The following SLC2A13 variants were observed in gnomAD, a reference collection of about 807,000 sequenced individuals.
The protein encoded by SLC2A13 is proton myo-inositol cotransporter.
Under a neutral mutation model 64.4 loss-of-function variants are expected in SLC2A13, and 32 were observed. The ratio of observed to expected loss-of-function variants is 0.50; its 90% CI spans 0.37 to 0.67. The LOEUF (loss-of-function observed/expected upper bound fraction) is 0.67. Among genes scored for constraint, SLC2A13 ranks in the 30% least tolerant of loss-of-function variants. The pLI, the probability that SLC2A13 is intolerant of heterozygous loss-of-function variation, is 0.00. For synonymous variants in SLC2A13, 338 were observed against 327.1 expected, an observed-to-expected ratio of 1.03 and a Z score of -0.36; for missense variants, 743 against 829.2, an observed-to-expected ratio of 0.90 and a Z score of 1.28.
At chr12:40,096,893 T>G (rs1263859383) in intron 1 of SLC2A13, among the ~76,000 whole-genome samples, 1 of 152,184 alleles carries the variant, frequency 6.6e-6, no homozygotes, top group East Asian at 1.9e-4. Context: ...ATACTAATAC[T>G]AATTTACGAA....
chr12:39,972,025 TATAA>T (rs1470703346), intron 3 of SLC2A13, among the ~76,000 whole-genome samples: 2 of 115,960 alleles, frequency 1.7e-5, no homozygotes, highest in Admixed American at 9.9e-5. Flanking sequence ...TTTTTTTTTA[TATAA>T]ATATATATAT....
intron 7 of SLC2A13, among the ~76,000 whole-genome samples, chr12:39,789,036 G>T (rs1941285139): frequency 6.6e-6 from 1 of 152,056 alleles, no homozygotes. Flanking sequence ...TACATACAAA[G>T]AAGTTATCTA....
intron 3 of SLC2A13, among the ~76,000 whole-genome samples, chr12:40,021,333 G>C (rs1947713903): frequency 6.6e-6 from 1 of 152,140 alleles, no homozygotes; most frequent in African/African-American, 2.4e-5. Context: ...AAAGTTGTCT[G>C]GGGTTTAGAA....
chr12:40,044,599 T>C (rs1296076047), intron 2 of SLC2A13, among the ~76,000 whole-genome samples: 1 of 152,214 alleles, frequency 6.6e-6, no homozygotes, highest in Non-Finnish European at 1.5e-5. Context: ...ACTATGATAA[T>C]GAAGTGCCAG....
In SLC2A13 at chr12:39,928,883, A is replaced by T. The variant is rs1371809266; in HGVS notation, c.1034+22374T>A. Reference sequence around the variant, plus strand: ...AAAGTCTTAAGAATTGGAGGTACCAAATATCTCAGACAGTAGATTATAAAA... The same window carrying T: ...AAAGTCTTAAGAATTGGAGGTACCATATATCTCAGACAGTAGATTATAAAA... On this transcript the variant is annotated intron_variant, in intron 4 of 9. Coordinates refer to ENST00000280871, the MANE Select transcript of SLC2A13 (RefSeq NM_052885.4). Among the ~76,000 whole-genome samples the T allele has an allele frequency of 7.9e-5, 12 of 152,256 alleles. No individual in the cohort carries two copies. In the East Asian group the frequency reaches 2.3e-3, roughly 29 times the overall value.
chr12:39,992,546 A>G (rs1176974888), intron 3 of SLC2A13, among the ~76,000 whole-genome samples: 1 of 151,854 alleles, frequency 6.6e-6, no homozygotes, highest in African/African-American at 2.4e-5. Flanking sequence ...TTCCCCTGTC[A>G]CTGTTTTCCT....
At chr12:39,889,402 T>C (rs1406782653) in intron 4 of SLC2A13, among the ~76,000 whole-genome samples, 1 of 152,116 alleles carries the variant, frequency 6.6e-6, no homozygotes, top group Non-Finnish European at 1.5e-5. Context: ...AATATAGCCT[T>C]ATACTCTAAC....
At chr12:39,794,292 G>C (rs1264522846) in intron 7 of SLC2A13, among the ~76,000 whole-genome samples, 3 of 151,854 alleles carry the variant, frequency 2.0e-5, no homozygotes, top group African/African-American at 7.3e-5. Context: ...TACATTTTCT[G>C]TTGCATTTTG....
chr12:40,105,948 C>T lies in SLC2A13; in HGVS notation c.-140G>A. The T allele has an allele frequency of 9.3e-7, 1 of 1,074,108 alleles. No homozygotes were observed. The highest frequency in any genetic ancestry group is 1.7e-5 in the African/African-American group (1 of 60,496). The allele number at this position is 1,074,108 out of a possible 1,614,324, so 66.5% of individuals were successfully genotyped here. On this transcript the variant is annotated 5_prime_UTR_variant, in exon 1 of 10. Coordinates refer to ENST00000280871, the MANE Select transcript of SLC2A13 (RefSeq NM_052885.4). The surrounding 1 kb of genome is among the most constrained non-coding windows in gnomAD (Gnocchi z 4.2). Reference sequence around the variant, plus strand: ...CCGGCTTCCGCTCCGGCTGCCACGGCAGCAGCCGCCGCCACGGCCGCTCCG... The same window carrying T: ...CCGGCTTCCGCTCCGGCTGCCACGGTAGCAGCCGCCGCCACGGCCGCTCCG...
intron 6 of SLC2A13, among the ~76,000 whole-genome samples, chr12:39,853,613 T>A (rs1161273113): frequency 2.0e-5 from 3 of 151,812 alleles, no homozygotes; most frequent in Non-Finnish European, 4.4e-5. Flanking sequence ...CTTTCTTTTT[T>A]TTTTTGTTAA....
chr12:39,954,122 G>T (rs1946278052), intron 3 of SLC2A13, among the ~76,000 whole-genome samples: 1 of 152,136 alleles, frequency 6.6e-6, no homozygotes, highest in South Asian at 2.1e-4. Flanking sequence ...TCATGCTAGC[G>T]GATAACAGGC....
At chr12:40,070,914 G>C (rs556999674) in intron 1 of SLC2A13, among the ~76,000 whole-genome samples, 1 of 152,078 alleles carries the variant, frequency 6.6e-6, no homozygotes, top group African/African-American at 2.4e-5. Context: ...CGGAATATAA[G>C]CAGGACAAAT....
At chr12:39,815,719 A>G (rs1003127516) in intron 7 of SLC2A13, among the ~76,000 whole-genome samples, 2 of 152,246 alleles carry the variant, frequency 1.3e-5, no homozygotes, top group Non-Finnish European at 2.9e-5. Flanking sequence ...ATTTGAAGCA[A>G]TAGCTGAAAA....
At chr12:40,003,950 G>A (rs1208259765) in intron 3 of SLC2A13, among the ~76,000 whole-genome samples, 1 of 151,536 alleles carries the variant, frequency 6.6e-6, no homozygotes, top group East Asian at 2.0e-4. Context: ...CCGAGAGTGC[G>A]CCATTGCACT....
chr12:39,963,114 G>A (rs1430661070), intron 3 of SLC2A13, among the ~76,000 whole-genome samples: 2 of 151,826 alleles, frequency 1.3e-5, no homozygotes, highest in Non-Finnish European at 2.9e-5. Flanking sequence ...GTGAAAACCC[G>A]TCTCTACTAA....
At chr12:39,851,750 C>T (rs1309970435) in intron 6 of SLC2A13, among the ~76,000 whole-genome samples, 1 of 152,170 alleles carries the variant, frequency 6.6e-6, no homozygotes, top group Non-Finnish European at 1.5e-5. Flanking sequence ...ATATTTAAGA[C>T]ATGCTGAGCT....
intron 4 of SLC2A13, among the ~76,000 whole-genome samples, chr12:39,876,306 T>A (rs534117567): frequency 6.6e-6 from 1 of 152,356 alleles, no homozygotes; most frequent in African/African-American, 2.4e-5. Flanking sequence ...TGACAGTCTA[T>A]CCTAATGCTG....
chr12:39,868,180 A>T (rs2135933867), intron 5 of SLC2A13, among the ~76,000 whole-genome samples: 1 of 152,338 alleles, frequency 6.6e-6, no homozygotes, highest in East Asian at 1.9e-4. Context: ...AAAGAATTTT[A>T]TCTGGTGTAC....
rs547466831 is a variant in SLC2A13 at position 39,773,655 on chromosome 12, C to T, written c.1446-8797G>A. 1.6e-4 allele frequency among the ~76,000 whole-genome samples: 24 copies of T among 152,326 alleles called. No homozygotes were observed. In the South Asian group the frequency reaches 5.0e-3, roughly 32 times the overall value. ...AGTATATTCCTTGCTTCCTACACAG[C>T]ACATGCTGTCTATATTGCCCCTTTA... On this transcript the variant is annotated intron_variant, in intron 7 of 9. Coordinates refer to ENST00000280871, the MANE Select transcript of SLC2A13 (RefSeq NM_052885.4).
Sources: allele counts gnomAD v4.1 joint callset (sites outside exome capture counted in the v4.1 genomes callset), GRCh38; gene constraint gnomAD v4.1.1; non-coding constraint Gnocchi (gnomAD v3.1); transcripts MANE v1.5; gene names NCBI Gene and HGNC (gene_info 2026-07-23, HGNC 2026-07-21).